The following SORBS2 variants were observed in gnomAD, a reference collection of about 807,000 sequenced individuals.
The protein encoded by SORBS2 is sorbin and SH3 domain containing 2.
In SORBS2, 46 loss-of-function variants were observed where a neutral mutation model predicts 97.7. The observed-to-expected ratio is 0.47, with a 90% CI of 0.37 to 0.60. The LOEUF is 0.60. SORBS2 is among the 20% of genes least tolerant of loss of function. The pLI is 0.00. For synonymous variants in SORBS2, 476 were observed against 473.4 expected (o/e 1.01, Z -0.07); for missense variants, 1,316 against 1,282.3 (o/e 1.03, Z -0.40).
chr4:185,934,500 C>T (rs938143282), intron 1 of SORBS2, among the ~76,000 whole-genome samples: 2 of 152,082 alleles, frequency 1.3e-5, no homozygotes, highest in African/African-American at 2.4e-5. Flanking sequence ...GTGGCTCACA[C>T]CTGTAATCCC....
chr4:185,615,966 T>C (rs2096619882), intron 9 of SORBS2, among the ~76,000 whole-genome samples: 1 of 152,238 alleles, frequency 6.6e-6, no homozygotes, highest in African/African-American at 2.4e-5. Flanking sequence ...CCTAAACTTA[T>C]CACCTTCACT....
At chr4:185,875,857 T>C (rs879696708) in intron 1 of SORBS2, among the ~76,000 whole-genome samples, 1 of 152,264 alleles carries the variant, frequency 6.6e-6, no homozygotes, top group African/African-American at 2.4e-5. Flanking sequence ...TTTCAGGTAA[T>C]AACATGACTT....
At chr4:185,849,473 C>CCTT (rs1280373849) in intron 1 of SORBS2, among the ~76,000 whole-genome samples, 1 of 44,952 alleles carries the variant, frequency 2.2e-5, no homozygotes. Context: ...CTCTCCCTGC[C>CCTT]ATTTTTTTTT....
At chr4:185,736,926 G>A (rs1291752212) in intron 2 of SORBS2, among the ~76,000 whole-genome samples, 1 of 152,188 alleles carries the variant, frequency 6.6e-6, no homozygotes, top group Non-Finnish European at 1.5e-5. Context: ...CTACTGGCAC[G>A]GTTTCTCCCT....
At chr4:185,596,735 A>G (rs557063174) in intron 12 of SORBS2, among the ~76,000 whole-genome samples, 16 of 151,908 alleles carry the variant, frequency 1.1e-4, no homozygotes, top group Admixed American at 5.9e-4. Context: ...GGGTTTCACC[A>G]TGTTAGCCAG....
chr4:185,722,916 C>T (rs1231783541), intron 2 of SORBS2, among the ~76,000 whole-genome samples: 1 of 152,082 alleles, frequency 6.6e-6, no homozygotes, highest in Non-Finnish European at 1.5e-5. Context: ...CATGTCATCA[C>T]AGTGGGAAGA....
At chr4:185,628,185 C>A (rs1306687029) in intron 5 of SORBS2, among the ~76,000 whole-genome samples, 2 of 152,128 alleles carry the variant, frequency 1.3e-5, no homozygotes, top group East Asian at 1.9e-4. Context: ...TTTTAAACAT[C>A]TTTGAACGTC....
chr4:185,666,182 T>A, intron 4 of SORBS2: 1 of 1,289,560 alleles, frequency 7.8e-7, no homozygotes, highest in Non-Finnish European at 1.0e-6. Context: ...TCCAACACAC[T>A]GGCAGGTAAG....
At chr4:185,874,458 T>G (rs13120232) in intron 1 of SORBS2, among the ~76,000 whole-genome samples, 33,310 of 152,080 alleles carry the variant, frequency 0.22, 4,178 homozygotes, top group East Asian at 0.54. Flanking sequence ...CAGGCCTGGT[T>G]CAAAAATAAG....
intron 1 of SORBS2, among the ~76,000 whole-genome samples, chr4:185,836,310 C>A (rs575101887): frequency 1.1e-4 from 16 of 152,296 alleles, no homozygotes; most frequent in African/African-American, 3.9e-4. Context: ...CCCTTCCACA[C>A]GGCTTTACTT....
chr4:185,848,618 C>CTTTTTTTTTTT (rs537195530), intron 1 of SORBS2, among the ~76,000 whole-genome samples: 2 of 75,640 alleles, frequency 2.6e-5, no homozygotes, highest in African/African-American at 1.2e-4. Context: ...AAGGATATCT[C>CTTTTTTTTTTT]TTTTTTTTTT....
chr4:185,711,998 A>G (rs11731079), intron 2 of SORBS2, among the ~76,000 whole-genome samples: 27,190 of 151,990 alleles, frequency 0.18, 2,836 homozygotes, highest in Non-Finnish European at 0.24. Context: ...TCCTCCTACT[A>G]TCCTCATGTT....
intron 1 of SORBS2, among the ~76,000 whole-genome samples, chr4:185,830,374 G>A (rs952271123): frequency 1.3e-5 from 2 of 152,208 alleles, no homozygotes; most frequent in African/African-American, 4.8e-5. Flanking sequence ...GGTGCTGTGA[G>A]GTGGGTCAGC....
intron 2 of SORBS2, among the ~76,000 whole-genome samples, chr4:185,718,478 G>T (rs1405821390): frequency 6.6e-6 from 1 of 152,182 alleles, no homozygotes; most frequent in African/African-American, 2.4e-5. Context: ...ACTGAAAGCA[G>T]GAGAGTTCAA....
At chr4:185,725,496 T>C (rs1418834564) in intron 2 of SORBS2, among the ~76,000 whole-genome samples, 1 of 152,178 alleles carries the variant, frequency 6.6e-6, no homozygotes, top group Non-Finnish European at 1.5e-5. Flanking sequence ...TCTCTCTGAG[T>C]TTCAATTTCC....
intron 1 of SORBS2, among the ~76,000 whole-genome samples, chr4:185,861,173 G>A (rs2099223509): frequency 6.6e-6 from 1 of 152,106 alleles, no homozygotes; most frequent in African/African-American, 2.4e-5. Flanking sequence ...GCTGGTCAGT[G>A]CCTGAACTCC....
chr4:185,757,748 G>A (rs2153606011), intron 2 of SORBS2, among the ~76,000 whole-genome samples: 1 of 152,176 alleles, frequency 6.6e-6, no homozygotes, highest in East Asian at 1.9e-4. Flanking sequence ...ACAGAGACAA[G>A]GGTATACATT....
chr4:185,617,414 C>A (rs2096645879), intron 9 of SORBS2, among the ~76,000 whole-genome samples: 1 of 152,088 alleles, frequency 6.6e-6, no homozygotes, highest in Non-Finnish European at 1.5e-5. Flanking sequence ...CCTATCTCAG[C>A]AGCATTACCA....
Position 185,856,891 on chromosome 4 carries a change from G to A in SORBS2, c.-337-81525C>T, listed in dbSNP as rs147051758. On this transcript the variant is annotated intron_variant, in intron 1 of 20. Coordinates refer to the SORBS2 transcript ENST00000284776. ...CAGGAGAGAGCGTGTAAGAGAAAGCGAGGGAGTACCACACTGAAATCATCA... is the reference window on the plus strand; with the variant it reads ...CAGGAGAGAGCGTGTAAGAGAAAGCAAGGGAGTACCACACTGAAATCATCA... Among the ~76,000 whole-genome samples the A allele has an allele frequency of 1.6e-3, 243 of 152,294 alleles. 4 individuals carry two copies. In the East Asian group the frequency reaches 0.042, roughly 26 times the overall value.
Sources: gnomAD v4.1 joint callset for allele counts (sites outside exome capture counted in the v4.1 genomes callset) on GRCh38, gnomAD v4.1.1 for gene constraint, MANE v1.5 for transcripts, NCBI Gene and HGNC (gene_info 2026-07-23, HGNC 2026-07-21) for gene names.